AFG2A: variants seen among roughly 807,000 people sequenced by gnomAD.
AFG2A encodes AAA ATPase AFG2A.
At chr4:123,132,362 T>C in the AFG2A span, among the ~76,000 whole-genome samples, 3 of 152,096 alleles carry the variant, frequency 2.0e-5, no homozygotes, top group East Asian at 1.9e-4. Flanking sequence ...ATTCCACATA[T>C]AAGTGAGATC....
chr4:123,319,264 A>T, the AFG2A span: 5 of 152,222 alleles, frequency 3.3e-5, no homozygotes, highest in East Asian at 9.6e-4. Context: ...TGCTGTAAAG[A>T]TAGAATAAAG....
the AFG2A span, among the ~76,000 whole-genome samples, chr4:123,197,406 A>G: frequency 1.3e-5 from 2 of 152,250 alleles, no homozygotes; most frequent in African/African-American, 4.8e-5. Flanking sequence ...TTACAAAAAG[A>G]GAAACATCAA....
the AFG2A span, among the ~76,000 whole-genome samples, chr4:123,126,325 A>G: frequency 6.6e-6 from 1 of 152,096 alleles, no homozygotes; most frequent in South Asian, 2.1e-4. Flanking sequence ...GGTTTTGTTT[A>G]GTTTTTACTA....
At chr4:123,054,506 C>T in the AFG2A span, among the ~76,000 whole-genome samples, 5 of 151,730 alleles carry the variant, frequency 3.3e-5, no homozygotes, top group South Asian at 1.0e-3. Flanking sequence ...ATGACGAGGT[C>T]AGGAGATTGA....
the AFG2A span, among the ~76,000 whole-genome samples, chr4:123,093,968 A>G: frequency 6.6e-6 from 1 of 152,160 alleles, no homozygotes; most frequent in Non-Finnish European, 1.5e-5. Flanking sequence ...TTTGTGAAAT[A>G]ATAGCTTTAA....
At chr4:122,944,158 A>G in the AFG2A span, among the ~76,000 whole-genome samples, 295 of 152,218 alleles carry the variant, frequency 1.9e-3, no homozygotes, top group African/African-American at 5.8e-3. Flanking sequence ...CGTTCTCTGT[A>G]TTTCCTGAAT....
chr4:123,112,140 C>G, the AFG2A span, among the ~76,000 whole-genome samples: 1 of 152,102 alleles, frequency 6.6e-6, no homozygotes, highest in Non-Finnish European at 1.5e-5. Context: ...ATTCAGAACT[C>G]TGGACTCCAA....
chr4:123,042,073 C>T, the AFG2A span, among the ~76,000 whole-genome samples: 1 of 152,146 alleles, frequency 6.6e-6, no homozygotes, highest in Non-Finnish European at 1.5e-5. Flanking sequence ...CCCTGATTCT[C>T]ATATCTTCTA....
chr4:122,923,339 G>A, the AFG2A span: 7 of 1,612,188 alleles, frequency 4.3e-6, no homozygotes, highest in Non-Finnish European at 5.9e-6. Flanking sequence ...TAGAGGCCGA[G>A]GGGGCGCAAC....
At chr4:123,038,717 C>T in the AFG2A span, among the ~76,000 whole-genome samples, 1 of 152,062 alleles carries the variant, frequency 6.6e-6, no homozygotes, top group Non-Finnish European at 1.5e-5. Context: ...TTCATTATGC[C>T]TTATTAGTAA....
chr4:122,967,606 A>G, the AFG2A span, among the ~76,000 whole-genome samples: 1 of 152,156 alleles, frequency 6.6e-6, no homozygotes, highest in Non-Finnish European at 1.5e-5. Context: ...TCAGCTTATA[A>G]ATATGTCCTG....
the AFG2A span, among the ~76,000 whole-genome samples, chr4:123,295,599 C>A: frequency 6.6e-6 from 1 of 152,244 alleles, no homozygotes; most frequent in Admixed American, 6.5e-5. Flanking sequence ...GTGGCTCACG[C>A]CTGTAATCCC....
the AFG2A span, among the ~76,000 whole-genome samples, chr4:123,020,720 T>C: frequency 6.6e-6 from 1 of 152,188 alleles, no homozygotes. Flanking sequence ...TCTATATGAT[T>C]GTCCATTCTT....
chr4:122,970,217 T>A, the AFG2A span, among the ~76,000 whole-genome samples: 1 of 152,208 alleles, frequency 6.6e-6, no homozygotes, highest in African/African-American at 2.4e-5. Flanking sequence ...TATACTATAT[T>A]TTTACTGTAC....
At chr4:123,091,788 T>C in the AFG2A span, among the ~76,000 whole-genome samples, 1 of 152,224 alleles carries the variant, frequency 6.6e-6, no homozygotes, top group Middle Eastern at 3.2e-3. Context: ...CTATATCTAA[T>C]ATGTAATATT....
At chr4:123,220,788 T>A in the AFG2A span, among the ~76,000 whole-genome samples, 1 of 152,172 alleles carries the variant, frequency 6.6e-6, no homozygotes, top group Admixed American at 6.5e-5. Flanking sequence ...GTTAATCAGT[T>A]TTTAAATGAA....
At chr4:123,123,933 C>T in the AFG2A span, among the ~76,000 whole-genome samples, 1 of 108,292 alleles carries the variant, frequency 9.2e-6, no homozygotes, top group Non-Finnish European at 1.7e-5. Flanking sequence ...GCCTGGGCGA[C>T]AGAGTGAAAC....
the AFG2A span, among the ~76,000 whole-genome samples, chr4:122,977,001 A>T: frequency 1.3e-5 from 2 of 152,152 alleles, no homozygotes; most frequent in African/African-American, 2.4e-5. Context: ...TTGGATTTTT[A>T]CATTTATTCT....
chr4:123,124,126 T>C, the AFG2A span, among the ~76,000 whole-genome samples: 6 of 152,022 alleles, frequency 3.9e-5, no homozygotes, highest in Non-Finnish European at 8.8e-5. Flanking sequence ...GACCCAGCCA[T>C]TCCATTACTG....
Sources: allele counts gnomAD v4.1 joint callset (sites outside exome capture counted in the v4.1 genomes callset), GRCh38; gene constraint gnomAD v4.1.1; transcripts MANE v1.5; gene names NCBI Gene and HGNC (gene_info 2026-07-23, HGNC 2026-07-21).